The following ACSBG2 variants were observed in gnomAD, a reference collection of about 807,000 sequenced individuals.
ACSBG2 encodes the protein long-chain-fatty-acid--CoA ligase ACSBG2.
A neutral mutation model predicts 74.7 loss-of-function variants in ACSBG2; 62 were observed. The observed-to-expected ratio is 0.83, with a 90% confidence interval of 0.68 to 1.03. The LOEUF is 1.03. Ranked by LOEUF, ACSBG2 falls within the 50% of genes least tolerant of loss-of-function variation. The pLI is 0.00. For missense variants in ACSBG2, 730 were observed against 817.6 expected (o/e 0.89, Z 1.31); for synonymous variants, 309 against 294.1 (o/e 1.05, Z -0.52).
At chr19:6,189,120 G>C (rs1006141328) in intron 13 of ACSBG2, among the ~76,000 whole-genome samples, 2 of 152,048 alleles carry the variant, frequency 1.3e-5, no homozygotes, top group Non-Finnish European at 2.9e-5. Context: ...GCTGATTTTA[G>C]TTTGTCCCCC....
intron 1 of ACSBG2, among the ~76,000 whole-genome samples, chr19:6,138,665 AAGGCAG>A (rs1303299469): frequency 1.0e-5 from 1 of 98,426 alleles, no homozygotes. Flanking sequence ...GAAGAAAGAA[AAGGCAG>A]GGACGGAGGG....
intron 13 of ACSBG2, chr19:6,190,283 G>T (rs974914591): frequency 3.7e-5 from 11 of 295,812 alleles, no homozygotes; most frequent in African/African-American, 2.4e-4. Context: ...TGTAAAATGG[G>T]GATAGGGGTA....
At chr19:6,166,280 T>TTTGTGTGTGTGTGTGTGTGTG (rs1555694318) in intron 7 of ACSBG2, among the ~76,000 whole-genome samples, 1 of 119,096 alleles carries the variant, frequency 8.4e-6, no homozygotes, top group African/African-American at 3.8e-5. Flanking sequence ...GTCAGGAAGG[T>TTTGTGTGTGTGTGTGTGTGTG]TGTGTGTGTG....
In ACSBG2 at chr19:6,185,463, G is replaced by A. The variant is rs747990687; in HGVS notation, c.1350G>A (p.Lys450=). 1.9e-6 allele frequency: 3 copies of A among 1,614,192 alleles called. No homozygotes were observed. Among genetic ancestry groups the A allele is most frequent in the African/African-American group, 1.3e-5 (1 of 75,046 alleles). ...GTGGCAAGATCTTGACTGGGTGTAAGAATATGCTGTTCCAGCAGAACAAGG... is the reference window on the plus strand; with the variant it reads ...GTGGCAAGATCTTGACTGGGTGTAAAAATATGCTGTTCCAGCAGAACAAGG... ...LSCGKILTGC[K]NMLFQQNKDG... Residue 450 remains lysine (K), a synonymous_variant, in exon 11 of 15, where the codon AAG becomes AAA. Transcript: ENST00000588485.
At position 6,165,962 on chromosome 19, in the gene ACSBG2, T is replaced by C. The variant is rs368143663; in HGVS notation, c.685T>C (p.Tyr229His). ...GGCGAATCAATGCGCAGTGCTCATC[T>C]ACACTTCAGGGACCACAGGCATACC... The part of the protein sequence containing the change: ...QKANQCAVLI[Y>H]TSGTTGIPKG... Residue 229 changes from tyrosine (Y) to histidine (H), a missense_variant, in exon 7 of 15, where the codon TAC (tyrosine) becomes CAC (histidine). Transcript: ENST00000588485. The C allele has an allele frequency of 1.9e-6, 3 of 1,614,054 alleles. No homozygotes were observed. Among genetic ancestry groups the C allele is most frequent in the Non-Finnish European group, 2.5e-6 (3 of 1,180,010 alleles).
At chr19:6,168,801 CAG>C (rs796338494) in intron 7 of ACSBG2, among the ~76,000 whole-genome samples, 88 of 152,010 alleles carry the variant, frequency 5.8e-4, no homozygotes, top group African/African-American at 1.9e-3. Flanking sequence ...TTTTTTGAAA[CAG>C]AGTCTTGCTC....
intron 4 of ACSBG2, among the ~76,000 whole-genome samples, chr19:6,154,113 A>G (rs1456473648): frequency 3.3e-5 from 5 of 151,900 alleles, no homozygotes; most frequent in Non-Finnish European, 7.4e-5. Flanking sequence ...AAATATATAT[A>G]TATTTTGAGG....
intron 10 of ACSBG2, among the ~76,000 whole-genome samples, 186 bp downstream of exon 10, chr19:6,183,458 CCA>C: frequency 6.6e-6 from 1 of 152,152 alleles, no homozygotes; most frequent in South Asian, 2.1e-4. Context: ...GTAAGAGAGC[CCA>C]CAGATAAGGG....
At chr19:6,152,658 G>C (rs2089280809) in intron 4 of ACSBG2, among the ~76,000 whole-genome samples, 1 of 149,988 alleles carries the variant, frequency 6.7e-6, no homozygotes, top group African/African-American at 2.5e-5. Flanking sequence ...TCTTGAGCTT[G>C]TAATTCTACC....
rs1353079553 is a variant in ACSBG2 at position 6,187,869 on chromosome 19, G to C, written c.1927+24G>C. ...AGGTGAGTGGCCATGACATTTGGAG[G>C]CTGGTCCCTTGTTAGCATCTGGGAC... On this transcript the variant is annotated intron_variant, in intron 13 of 14. Transcript: ENST00000588485. The C allele has an allele frequency of 4.3e-6, 7 of 1,610,844 alleles. No individual in the cohort carries two copies. The African/African-American group carries it at 6.7e-5, about 15-fold the overall frequency.
At chr19:6,160,404 A>G (rs1196480277) in intron 5 of ACSBG2, among the ~76,000 whole-genome samples, 2 of 145,282 alleles carry the variant, frequency 1.4e-5, no homozygotes, top group Non-Finnish European at 3.0e-5. Flanking sequence ...AAAAAAAAAA[A>G]GAAAGAAAGA....
At chr19:6,185,283 A>T (rs554833446) in intron 10 of ACSBG2, among the ~76,000 whole-genome samples, 153 bp from the exon 11 acceptor site, 3 of 152,078 alleles carry the variant, frequency 2.0e-5, no homozygotes, top group Admixed American at 2.0e-4. Flanking sequence ...TGGATTAAAC[A>T]CTGCAGCAAA....
At chr19:6,190,499 A>G (rs1225310093) in intron 13 of ACSBG2, 85 bp from the exon 14 acceptor site, 2 of 1,186,378 alleles carry the variant, frequency 1.7e-6, no homozygotes, top group Non-Finnish European at 2.5e-6. Context: ...AGCCCCAGGC[A>G]TGGGACTCTG....
At chr19:6,153,397 G>T (rs973126491) in intron 4 of ACSBG2, among the ~76,000 whole-genome samples, 1 of 152,130 alleles carries the variant, frequency 6.6e-6, no homozygotes, top group Non-Finnish European at 1.5e-5. Context: ...TGATGGTGAC[G>T]ATAATCTGGG....
intron 7 of ACSBG2, among the ~76,000 whole-genome samples, chr19:6,166,279 GTT>G (rs1491378579): frequency 1.2e-5 from 1 of 85,760 alleles, no homozygotes; most frequent in Non-Finnish European, 2.2e-5. Context: ...AGTCAGGAAG[GTT>G]GTGTGTGTGT....
intron 14 of ACSBG2, 120 bp downstream of exon 14, chr19:6,190,812 TACACACACACACACACAC>T (rs58730661): frequency 2.1e-5 from 7 of 336,820 alleles, no homozygotes; most frequent in East Asian, 1.3e-4. Context: ...CACACATACA[TACACACACACACACACAC>T]ACACACACAC....
intron 6 of ACSBG2, among the ~76,000 whole-genome samples, chr19:6,165,621 T>G (rs921526462): frequency 1.8e-4 from 27 of 152,316 alleles, no homozygotes; most frequent in African/African-American, 6.3e-4. Context: ...CTGACATCAT[T>G]CCCATTTTAC....
chr19:6,142,843 A>G (rs2088897445), intron 2 of ACSBG2, among the ~76,000 whole-genome samples: 1 of 152,046 alleles, frequency 6.6e-6, no homozygotes, highest in Admixed American at 6.6e-5. Context: ...GAGGGAGTGC[A>G]GGCGTGCTTG....
chr19:6,163,274 C>A (rs201060768), intron 6 of ACSBG2, among the ~76,000 whole-genome samples: 2 of 79,910 alleles, frequency 2.5e-5, no homozygotes, highest in African/African-American at 6.9e-5. Context: ...ATGGTGAAAC[C>A]CCGTCTCTAC....
Sources: allele counts gnomAD v4.1 joint callset (sites outside exome capture counted in the v4.1 genomes callset), GRCh38; gene constraint gnomAD v4.1.1; transcripts MANE v1.5; gene names NCBI Gene and HGNC (gene_info 2026-07-23, HGNC 2026-07-21).